The following ME3 variants were observed in gnomAD, a reference collection of about 807,000 sequenced individuals.
The protein encoded by ME3 is malic enzyme 3, also known as NADP-dependent malic enzyme, mitochondrial.
Under a neutral mutation model 68.9 loss-of-function variants are expected in ME3, and 48 were observed. That is an observed-to-expected ratio of 0.70 (90% CI 0.55 to 0.89). ME3 has a LOEUF of 0.89. Among genes scored for constraint, ME3 ranks in the 40% least tolerant of loss-of-function variants. The probability of loss-of-function intolerance (pLI) is 0.00; values close to 1 mark genes in which losing one functional copy is unlikely to be tolerated. For synonymous variants in ME3, 320 were observed against 318.8 expected (o/e 1.00, Z -0.04); for missense variants, 675 against 797.4 (o/e 0.85, Z 1.85).
chr11:86,671,801 C>A, exon 2 of ME3: 1 of 1,603,852 alleles, frequency 6.2e-7, no homozygotes, highest in Non-Finnish European at 8.5e-7. Context: ...CGTATCCGCG[C>A]TTCTTCAGGG....
chr11:86,526,956 G>T (rs1456292995), intron 4 of ME3, among the ~76,000 whole-genome samples: 1 of 152,242 alleles, frequency 6.6e-6, no homozygotes, highest in Non-Finnish European at 1.5e-5. Context: ...AAATCAGAGT[G>T]CCTCTCCTCC....
At chr11:86,492,539 G>T (rs1377926207) in intron 6 of ME3, among the ~76,000 whole-genome samples, 1 of 152,216 alleles carries the variant, frequency 6.6e-6, no homozygotes, top group Non-Finnish European at 1.5e-5. Flanking sequence ...TTCAGTGGGT[G>T]CCTGGCACCT....
chr11:86,646,082 C>T (rs1405793682), intron 2 of ME3, among the ~76,000 whole-genome samples: 2 of 152,144 alleles, frequency 1.3e-5, no homozygotes, highest in African/African-American at 4.8e-5. Context: ...TAGACAAATC[C>T]ACGAAGATGA....
At chr11:86,467,661 TTTCTCTC>T (rs1309732943) in intron 7 of ME3, among the ~76,000 whole-genome samples, 6 of 95,558 alleles carry the variant, frequency 6.3e-5, no homozygotes, top group African/African-American at 2.4e-4. Flanking sequence ...TCTCTCTCTG[TTTCTCTC>T]TCTCTCTCTC....
At chr11:86,579,779 C>G (rs1273036775) in intron 2 of ME3, among the ~76,000 whole-genome samples, 1 of 152,172 alleles carries the variant, frequency 6.6e-6, no homozygotes, top group Admixed American at 6.5e-5. Flanking sequence ...TAAATTTTAA[C>G]TGGTGATAGT....
chr11:86,629,072 T>C (rs1432345426), intron 2 of ME3, among the ~76,000 whole-genome samples: 3 of 152,240 alleles, frequency 2.0e-5, no homozygotes, highest in Non-Finnish European at 4.4e-5. Context: ...TGCCCCTTGT[T>C]CCTGCAAAAC....
rs376271195 is a variant in ME3 at position 86,652,664 on chromosome 11, C to T, written c.183+19098G>A. Reference sequence around the variant, plus strand: ...CATGCCAAAGTGTAAAGACCATCCACGCTAGGAAGAAACTGCATCAACTAA... The same window carrying T: ...CATGCCAAAGTGTAAAGACCATCCATGCTAGGAAGAAACTGCATCAACTAA... On this transcript the variant is annotated intron_variant, in intron 2 of 14. Transcript: ENST00000543262. Among the ~76,000 whole-genome samples, 118 of 151,046 alleles carry T rather than the reference C, an allele frequency of 7.8e-4. No individual in the cohort carries two copies. In the East Asian group the frequency reaches 0.017, roughly 21 times the overall value.
At chr11:86,524,146 A>T (rs1439834827) in intron 4 of ME3, among the ~76,000 whole-genome samples, 3 of 152,204 alleles carry the variant, frequency 2.0e-5, no homozygotes, top group African/African-American at 7.2e-5. Flanking sequence ...TCCACTTTAT[A>T]AAACAAACAC....
Position 86,637,009 on chromosome 11 carries a change from G to T in ME3, c.183+34753C>A, listed in dbSNP as rs185613288. On this transcript the variant is annotated intron_variant, in intron 2 of 14. Coordinates refer to ENST00000543262, the Ensembl canonical transcript of ME3. ...ATCTGGACAAGTGCGTTAAGAATCT[G>T]TTTGCCTGCCATCATTCTTGAATCA... Among the ~76,000 whole-genome samples the T allele has an allele frequency of 8.2e-4, 125 of 152,254 alleles. 1 individual carries two copies. The highest frequency in any genetic ancestry group is 2.8e-3 in the African/African-American group (117 of 41,554).
chr11:86,612,499 C>CAA (rs1942658421), intron 2 of ME3, among the ~76,000 whole-genome samples: 1 of 152,192 alleles, frequency 6.6e-6, no homozygotes, highest in Non-Finnish European at 1.5e-5. Flanking sequence ...CTGTCTTCCA[C>CAA]AATGGTTGAA....
At chr11:86,503,721 G>A (rs1249862687) in intron 5 of ME3, among the ~76,000 whole-genome samples, 3 of 152,226 alleles carry the variant, frequency 2.0e-5, no homozygotes, top group Non-Finnish European at 4.4e-5. Context: ...CTAGCAATCC[G>A]CTCTAAGTAT....
At chr11:86,481,660 G>A (rs1163706835) in intron 7 of ME3, among the ~76,000 whole-genome samples, 1 of 152,160 alleles carries the variant, frequency 6.6e-6, no homozygotes, top group Admixed American at 6.5e-5. Flanking sequence ...GCAGCTTCAT[G>A]TGGACTAAAA....
intron 1 of ME3, 49 bp from the exon 2 acceptor site, chr11:86,672,007 G>A: frequency 7.6e-7 from 1 of 1,321,886 alleles, no homozygotes; most frequent in Non-Finnish European, 9.7e-7. Context: ...AGCCAGCCAG[G>A]ACCCACGCGC....
chr11:86,594,443 C>T (rs544391209), intron 2 of ME3, among the ~76,000 whole-genome samples: 1 of 145,968 alleles, frequency 6.9e-6, no homozygotes, highest in Non-Finnish European at 1.5e-5. Context: ...ATAATCCCAG[C>T]ACTTTGGGAG....
intron 7 of ME3, among the ~76,000 whole-genome samples, chr11:86,481,636 C>T (rs143578164): frequency 1.6e-3 from 243 of 152,236 alleles, no homozygotes; most frequent in African/African-American, 4.0e-3. Context: ...TTTTGTAACT[C>T]AGAAGAAGCA....
chr11:86,435,424 CTGAGG>C, the ME3 span: 1 of 152,150 alleles, frequency 6.6e-6, no homozygotes, highest in African/African-American at 2.4e-5. Context: ...AGGAGTCCTC[CTGAGG>C]TAAGTGGCCA....
In ME3 at chr11:86,566,074, C is replaced by G. The variant is rs769314480; in HGVS notation, c.184-6251G>C. Among the ~76,000 whole-genome samples the G allele has an allele frequency of 4.6e-5, 7 of 152,148 alleles. 1 individual carries two copies. The highest frequency in any genetic ancestry group is 1.0e-4 in the Non-Finnish European group (7 of 68,028). On this transcript the variant is annotated intron_variant, in intron 2 of 14. Coordinates refer to ENST00000543262, the Ensembl canonical transcript of ME3. ...GAGGGCTGCCCTGGCACTGGAGCTCCTGAACACACTCAGCTTTCTCATGGG... is the reference window on the plus strand; with the variant it reads ...GAGGGCTGCCCTGGCACTGGAGCTCGTGAACACACTCAGCTTTCTCATGGG...
intron 4 of ME3, among the ~76,000 whole-genome samples, chr11:86,522,423 T>G (rs1954393939): frequency 6.6e-6 from 1 of 151,966 alleles, no homozygotes; most frequent in Admixed American, 6.6e-5. Flanking sequence ...TACATAGGTA[T>G]ACATGTGCCA....
intron 8 of ME3, among the ~76,000 whole-genome samples, chr11:86,463,025 T>G (rs1950301182): frequency 6.6e-6 from 1 of 152,178 alleles, no homozygotes; most frequent in Non-Finnish European, 1.5e-5. Context: ...TCCCGAAGTC[T>G]TATATTTTCA....
Sources: gnomAD v4.1 joint callset for allele counts (sites outside exome capture counted in the v4.1 genomes callset) on GRCh38, gnomAD v4.1.1 for gene constraint, MANE v1.5 for transcripts, NCBI Gene and HGNC (gene_info 2026-07-23, HGNC 2026-07-21) for gene names.